TMEM45B: variants seen among roughly 807,000 people sequenced by gnomAD.
TMEM45B encodes the protein transmembrane protein 45B.
In TMEM45B, 29 loss-of-function variants were observed where a neutral mutation model predicts 27.3. The observed-to-expected ratio is 1.06, with a 90% CI of 0.79 to 1.45. TMEM45B has a LOEUF of 1.45. Among genes scored for constraint, TMEM45B ranks in the 40% most tolerant of loss-of-function variants. TMEM45B has a pLI of 0.00. For missense variants in TMEM45B, 348 were observed against 343.9 expected (o/e 1.01, Z -0.09); for synonymous variants, 143 against 134.7 (o/e 1.06, Z -0.43).
intron 4 of TMEM45B, among the ~76,000 whole-genome samples, chr11:129,856,916 G>T (rs1326472413): frequency 2.1e-5 from 3 of 142,402 alleles, no homozygotes; most frequent in Non-Finnish European, 3.1e-5. Context: ...GCAGTGTCAT[G>T]ATCTCGGCTC....
intron 1 of TMEM45B, among the ~76,000 whole-genome samples, chr11:129,842,656 G>A: frequency 6.6e-6 from 1 of 152,200 alleles, no homozygotes. Context: ...AAAGGTGGAT[G>A]AAAGATTTAA....
chr11:129,827,139 T>C (rs1947495081), intron 1 of TMEM45B: 1 of 152,284 alleles, frequency 6.6e-6, no homozygotes, highest in Non-Finnish European at 1.5e-5. Flanking sequence ...CTTTGTGTGC[T>C]ATGTGCTAGG....
At chr11:129,844,495 G>C (rs1423306311) in intron 1 of TMEM45B, among the ~76,000 whole-genome samples, 1 of 152,180 alleles carries the variant, frequency 6.6e-6, no homozygotes, top group South Asian at 2.1e-4. Flanking sequence ...AGACCAGCCT[G>C]GGCAACATAG....
chr11:129,841,280 G>A (rs1947689177), intron 1 of TMEM45B, among the ~76,000 whole-genome samples: 1 of 152,180 alleles, frequency 6.6e-6, no homozygotes, highest in Admixed American at 6.6e-5. Flanking sequence ...CTTAACATGG[G>A]AATGAACACT....
rs567085488 is a variant in TMEM45B, at chr11:129,853,580, A to G, written c.178+920A>G. On this transcript the variant is annotated intron_variant, in intron 2 of 5. Transcript: ENST00000281441. ...ACCTTGCCTAAATAAAGCTAGGACA[A>G]TTACAATATTTGGCCCCTTGACTGG... Among the ~76,000 whole-genome samples the G allele has an allele frequency of 3.9e-5, 6 of 152,304 alleles. No homozygotes were observed. The East Asian group carries it at 1.2e-3, about 29-fold the overall frequency.
At chr11:129,847,783 T>A (rs1450571608) in intron 1 of TMEM45B, among the ~76,000 whole-genome samples, 28 of 152,252 alleles carry the variant, frequency 1.8e-4, no homozygotes, top group African/African-American at 6.0e-4. Flanking sequence ...CATGTCTACT[T>A]CTTTCTACAC....
At chr11:129,848,326 C>T (rs1440583683) in intron 1 of TMEM45B, among the ~76,000 whole-genome samples, 1 of 152,208 alleles carries the variant, frequency 6.6e-6, no homozygotes, top group African/African-American at 2.4e-5. Context: ...GCCCGGCCAA[C>T]ACAGCGAAAC....
chr11:129,833,359 T>A (rs1365988950), intron 1 of TMEM45B, among the ~76,000 whole-genome samples: 2 of 152,194 alleles, frequency 1.3e-5, no homozygotes, highest in Non-Finnish European at 2.9e-5. Context: ...GTGTATATGT[T>A]GAAGTCCTCA....
intron 3 of TMEM45B, 127 bp downstream of exon 3, chr11:129,854,943 C>T (rs1203111795): frequency 4.9e-5 from 52 of 1,066,622 alleles, no homozygotes; most frequent in Non-Finnish European, 6.8e-5. Flanking sequence ...CATCTCTGGA[C>T]TGCCAAAACC....
chr11:129,839,161 T>C (rs1470191755), intron 1 of TMEM45B, among the ~76,000 whole-genome samples: 1 of 152,186 alleles, frequency 6.6e-6, no homozygotes, highest in Non-Finnish European at 1.5e-5. Context: ...AAGGATCCAA[T>C]GATCTCCCTA....
chr11:129,845,005 T>C (rs986078141), intron 1 of TMEM45B, among the ~76,000 whole-genome samples: 10 of 152,126 alleles, frequency 6.6e-5, no homozygotes, highest in African/African-American at 2.4e-4. Context: ...ACGCTGGAAA[T>C]GGTAAATATG....
chr11:129,851,211 C>T (rs1168892904), intron 1 of TMEM45B, among the ~76,000 whole-genome samples: 1 of 152,152 alleles, frequency 6.6e-6, no homozygotes, highest in Middle Eastern at 3.2e-3. Flanking sequence ...GCTCCTAGTT[C>T]AGGAGGGAGG....
At chr11:129,855,258 C>T (rs1245966345) in intron 3 of TMEM45B, among the ~76,000 whole-genome samples, 6 of 151,906 alleles carry the variant, frequency 3.9e-5, no homozygotes, top group African/African-American at 7.3e-5. Context: ...AGGGAGGTAC[C>T]GTCTTGCCTC....
rs12804926 is a variant in TMEM45B, at chr11:129,819,908, A to G, written c.-9+4010A>G. 8.9e-3 allele frequency among the ~76,000 whole-genome samples: 1,356 copies of G among 152,206 alleles called. 14 individuals are homozygous for G. Among genetic ancestry groups the G allele is most frequent in the Middle Eastern group, 0.061 (18 of 294 alleles). ...AACAGCTTTTCTGGTAGCCCACCCC[A>G]AAAGACTTCTTACATGTCATTGGCC... On this transcript the variant is annotated intron_variant, in intron 1 of 5. Transcript: ENST00000281441.
intron 1 of TMEM45B, among the ~76,000 whole-genome samples, chr11:129,837,587 T>C (rs1947638156): frequency 1.6e-5 from 1 of 61,064 alleles, no homozygotes. Context: ...GCACTGGGCT[T>C]TTTTTTTTTT....
At chr11:129,846,501 A>G (rs577410482) in intron 1 of TMEM45B, among the ~76,000 whole-genome samples, 2 of 152,138 alleles carry the variant, frequency 1.3e-5, no homozygotes, top group African/African-American at 4.8e-5. Flanking sequence ...AACATAACCC[A>G]TAATACACTA....
chr11:129,817,955 A>T (rs1947371864), intron 1 of TMEM45B, among the ~76,000 whole-genome samples: 3 of 152,232 alleles, frequency 2.0e-5, no homozygotes. Flanking sequence ...AGAGAATTAA[A>T]GTCACTAGTG....
rs141660785 is a variant in TMEM45B, at chr11:129,852,625, T to C, written c.143T>C (p.Val48Ala). The C allele has an allele frequency of 4.0e-4, 638 of 1,611,978 alleles. 1 individual carries two copies. Among genetic ancestry groups the C allele is most frequent in the Non-Finnish European group, 5.1e-4 (595 of 1,178,188 alleles). Residue 48 changes from valine to alanine, a missense_variant, in exon 2 of 6, where the codon GTC becomes GCC. Transcript: ENST00000281441. ...CATTACTATCAGCGTCTCGAGATCG[T>C]CGAAGCCGCAATTAGGACTTTGTTT... Reference protein sequence around the residue: ...PLHYYQRLEIVEAAIRTLFSV... With the variant: ...PLHYYQRLEIAEAAIRTLFSV...
At chr11:129,857,679 C>T (rs1252112538) in intron 5 of TMEM45B, among the ~76,000 whole-genome samples, 2 of 152,126 alleles carry the variant, frequency 1.3e-5, no homozygotes. Context: ...CTGAGGGACC[C>T]AGGTTTCAAA....
Sources: gnomAD v4.1 joint callset for allele counts (sites outside exome capture counted in the v4.1 genomes callset) on GRCh38, gnomAD v4.1.1 for gene constraint, MANE v1.5 for transcripts, NCBI Gene and HGNC (gene_info 2026-07-23, HGNC 2026-07-21) for gene names.